KCND3: variants seen among roughly 807,000 people sequenced by gnomAD.
KCND3 encodes the protein potassium voltage-gated channel subfamily D member 3.
A neutral mutation model predicts 51.1 loss-of-function variants in KCND3; 9 were observed. That is an observed-to-expected ratio of 0.18 (90% CI 0.11 to 0.31). The LOEUF (loss-of-function observed/expected upper bound fraction) is 0.31. Among genes scored for constraint, KCND3 ranks in the 10% least tolerant of loss-of-function variants. KCND3 has a pLI of 1.00. For synonymous variants in KCND3, 349 were observed against 368.0 expected, an observed-to-expected ratio of 0.95 and a Z score of 0.59; for missense variants, 526 against 903.8, an observed-to-expected ratio of 0.58 and a Z score of 5.36.
At chr1:111,790,870 A>G (rs1664797090) in intron 2 of KCND3, among the ~76,000 whole-genome samples, 1 of 152,178 alleles carries the variant, frequency 6.6e-6, no homozygotes, top group South Asian at 2.1e-4. Context: ...TGTGTTTTCA[A>G]GGTTCACCCA....
intron 2 of KCND3, among the ~76,000 whole-genome samples, chr1:111,865,387 G>C (rs1668511463): frequency 6.6e-6 from 1 of 152,190 alleles, no homozygotes; most frequent in Non-Finnish European, 1.5e-5. Flanking sequence ...AGGGGAGAGA[G>C]CTGGTTGCTG....
Position 111,981,477 on chromosome 1 carries a change from C to T in KCND3, c.1106+144G>A, listed in dbSNP as rs780094837. The T allele has an allele frequency of 6.0e-5, 71 of 1,189,490 alleles. No individual in the cohort carries two copies. Among genetic ancestry groups the T allele is most frequent in the Admixed American group, 7.6e-5 (4 of 52,898 alleles). The allele number at this position is 1,189,490 out of a possible 1,614,324, so 73.7% of individuals were successfully genotyped here. ...CAGATGACTCATGGGCTTTACCCTT[C>T]GGATAGAGCAACTTCCCCTGCCCCC... On this transcript the variant is annotated intron_variant, in intron 2 of 7. Coordinates refer to ENST00000302127, the MANE Select transcript of KCND3 (RefSeq NM_001378969.1). This position sits in a 1 kb window ranked among gnomAD's most constrained non-coding sequence, Gnocchi z 6.2.
intron 2 of KCND3, among the ~76,000 whole-genome samples, chr1:111,903,408 C>T (rs1670485681): frequency 1.3e-5 from 2 of 152,216 alleles, no homozygotes; most frequent in South Asian, 4.1e-4. Flanking sequence ...CACCTGGAGA[C>T]AGCACCCACT....
In KCND3 at chr1:111,954,078, C is replaced by T. The variant is rs116052777; in HGVS notation, c.1106+27543G>A. Among the ~76,000 whole-genome samples the T allele has an allele frequency of 3.8e-3, 583 of 152,270 alleles. 4 individuals are homozygous for T. The highest frequency in any genetic ancestry group is 0.012 in the African/African-American group (485 of 41,526). On this transcript the variant is annotated intron_variant, in intron 2 of 7. Coordinates refer to ENST00000302127, the MANE Select transcript of KCND3 (RefSeq NM_001378969.1). The stretch of plus-strand genomic sequence containing the variant: ...CAGGTCACTGTGGGTTGCTGTGTCC[C>T]GCTCCCAAAGATGGAAGGCCCCTCA...
At chr1:111,829,548 C>A (rs535308416) in intron 2 of KCND3, among the ~76,000 whole-genome samples, 41 of 152,264 alleles carry the variant, frequency 2.7e-4, no homozygotes, top group African/African-American at 9.6e-4. Flanking sequence ...GACTACAAAT[C>A]TGATTTCAGA....
intron 2 of KCND3, among the ~76,000 whole-genome samples, chr1:111,890,196 A>C (rs757769233): frequency 2.2e-4 from 34 of 152,184 alleles, no homozygotes; most frequent in Non-Finnish European, 4.1e-4. Context: ...AGTTGGGATG[A>C]GTAGATAAGG....
At chr1:111,985,635 G>A (rs74112405) in intron 1 of KCND3, among the ~76,000 whole-genome samples, 6,368 of 152,196 alleles carry the variant, frequency 0.042, 358 homozygotes, top group African/African-American at 0.13. Context: ...AAGGGTGAGC[G>A]TTCTTTCTCC....
At chr1:111,898,546 G>C (rs1670234205) in intron 2 of KCND3, among the ~76,000 whole-genome samples, 1 of 152,106 alleles carries the variant, frequency 6.6e-6, no homozygotes, top group Non-Finnish European at 1.5e-5. Flanking sequence ...TGGTCCCTGG[G>C]GTCTGGCACA....
At chr1:111,791,169 A>T (rs1267529134) in intron 2 of KCND3, among the ~76,000 whole-genome samples, 1 of 152,180 alleles carries the variant, frequency 6.6e-6, no homozygotes, top group East Asian at 1.9e-4. Context: ...GCAATGAATG[A>T]GGGGTCCAAT....
rs1664338924 is a variant in KCND3 at position 111,780,684 on chromosome 1, A to G, written c.1371+6T>C. On this transcript the variant is annotated splice_donor_region_variant and intron_variant, in intron 4 of 7. Transcript: ENST00000302127. The surrounding 1 kb of genome is among the most constrained non-coding windows in gnomAD (Gnocchi z 4.2). ...GTTCCCTAGCCCAGGTCCTCTAGGC[A>G]CCTACCGTCAGCTCCAGCGCCTCGT... 6.2e-7 allele frequency: 1 copy of G among 1,604,968 alleles called. No homozygotes were observed. Among genetic ancestry groups the G allele is most frequent in the African/African-American group, 1.3e-5 (1 of 74,870 alleles).
intron 2 of KCND3, among the ~76,000 whole-genome samples, chr1:111,839,606 G>A (rs908798962): frequency 7.2e-5 from 11 of 152,368 alleles, no homozygotes; most frequent in African/African-American, 2.2e-4. Flanking sequence ...AGCATTACAC[G>A]CAGGGAATAA....
chr1:111,790,926 A>G lies in KCND3; in HGVS notation c.1107-3820T>C, dbSNP rs547741879. On this transcript the variant is annotated intron_variant, in intron 2 of 7. Transcript: ENST00000302127. ...CTCCATTCCTTTTTATGGCTGAATA[A>G]CATTCCACTGTCTGGGTAGACCACA... Among the ~76,000 whole-genome samples, 6 of 152,370 alleles carry G rather than the reference A, an allele frequency of 3.9e-5. No individual in the cohort carries two copies. In the East Asian group the frequency reaches 9.6e-4, roughly 24 times the overall value.
rs1664325688 is a variant in KCND3, at chr1:111,780,421, T to G, written c.1372-107A>C. On this transcript the variant is annotated intron_variant, in intron 4 of 7. Coordinates refer to ENST00000302127, the MANE Select transcript of KCND3 (RefSeq NM_001378969.1). The surrounding 1 kb of genome is among the most constrained non-coding windows in gnomAD (Gnocchi z 4.2). ...AAAGGGCAATAGAATAATCAAATTTTTTTTTATTTGACCAAATTTCAGGGT... is the reference window on the plus strand; with the variant it reads ...AAAGGGCAATAGAATAATCAAATTTGTTTTTATTTGACCAAATTTCAGGGT... 2.0e-5 allele frequency: 24 copies of G among 1,207,970 alleles called. No homozygotes were observed. Among genetic ancestry groups the G allele is most frequent in the Non-Finnish European group, 2.6e-5 (22 of 836,606 alleles). The allele number at this position is 1,207,970 out of a possible 1,614,324, so 74.8% of individuals were successfully genotyped here.
At chr1:111,895,446 A>G (rs1286416121) in intron 2 of KCND3, among the ~76,000 whole-genome samples, 1 of 152,246 alleles carries the variant, frequency 6.6e-6, no homozygotes, top group Admixed American at 6.5e-5. Flanking sequence ...TAAAGTTGGA[A>G]GAACAAATTA....
intron 2 of KCND3, among the ~76,000 whole-genome samples, chr1:111,874,820 C>T (rs36020575): frequency 0.025 from 3,854 of 152,276 alleles, 89 homozygotes; most frequent in East Asian, 0.1. Context: ...ATACAAACAA[C>T]GTCTCACTAG....
At chr1:111,887,152 G>T (rs1051155946) in intron 2 of KCND3, among the ~76,000 whole-genome samples, 9 of 152,162 alleles carry the variant, frequency 5.9e-5, no homozygotes, top group Admixed American at 4.6e-4. Flanking sequence ...AGAGGTGAGT[G>T]CCGAGGAGAA....
intron 2 of KCND3, chr1:111,853,978 A>G (rs1377648444): frequency 6.6e-6 from 1 of 152,222 alleles, no homozygotes; most frequent in Admixed American, 6.5e-5. Context: ...AGTGCTCAGG[A>G]GAGTGGTTCA....
chr1:111,829,562 G>A (rs370209224), intron 2 of KCND3, among the ~76,000 whole-genome samples: 2 of 152,134 alleles, frequency 1.3e-5, no homozygotes, highest in East Asian at 1.9e-4. Context: ...TTTCAGATAC[G>A]CTGACTTTGA....
At chr1:111,813,964 C>T (rs138064245) in intron 2 of KCND3, among the ~76,000 whole-genome samples, 2 of 152,364 alleles carry the variant, frequency 1.3e-5, no homozygotes, top group East Asian at 1.9e-4. Context: ...CCGTGCCCCA[C>T]CAACGTGCTG....
Sources: allele counts gnomAD v4.1 joint callset (sites outside exome capture counted in the v4.1 genomes callset), GRCh38; gene constraint gnomAD v4.1.1; non-coding constraint Gnocchi (gnomAD v3.1); transcripts MANE v1.5; gene names NCBI Gene and HGNC (gene_info 2026-07-23, HGNC 2026-07-21).